Variants in LRRC37B observed in about 807,000 individuals in gnomAD.
LRRC37B encodes leucine-rich repeat-containing protein 37B.
Under a neutral mutation model 98.3 loss-of-function variants are expected in LRRC37B, and 28 were observed. The observed-to-expected ratio is 0.28, with a 90% CI of 0.21 to 0.39. The LOEUF (loss-of-function observed/expected upper bound fraction) is 0.39, where lower values mean the gene tolerates loss of function less well. Ranked by LOEUF, LRRC37B falls within the 10% of genes least tolerant of loss-of-function variation. The pLI, the probability that LRRC37B is intolerant of heterozygous loss-of-function variation, is 1.00. For missense variants in LRRC37B, 938 were observed against 1,182.7 expected (o/e 0.79, Z 3.03); for synonymous variants, 364 against 442.7 (o/e 0.82, Z 2.23).
At chr17:32,040,868 G>C (rs1911405822) in intron 7 of LRRC37B, 7 of 846,628 alleles carry the variant, frequency 8.3e-6, no homozygotes, top group Non-Finnish European at 1.4e-5. Flanking sequence ...ACCTGTGTGA[G>C]AAAGACCTGA....
chr17:32,029,777 G>A (rs545564720), intron 3 of LRRC37B, among the ~76,000 whole-genome samples: 3 of 152,314 alleles, frequency 2.0e-5, no homozygotes, highest in African/African-American at 7.2e-5. Flanking sequence ...GGGGAACCAT[G>A]TTATCACAGC....
chr17:32,023,980 T>G (rs1025982279), intron 1 of LRRC37B, among the ~76,000 whole-genome samples: 3 of 151,918 alleles, frequency 2.0e-5, no homozygotes, highest in African/African-American at 7.3e-5. Context: ...AGCTAAAAGT[T>G]TACTTGGGTC....
chr17:32,012,879 C>T (rs753359696), intron 1 of LRRC37B, among the ~76,000 whole-genome samples: 10 of 152,086 alleles, frequency 6.6e-5, no homozygotes, highest in Admixed American at 5.2e-4. Context: ...GAGCCAGGCG[C>T]GGTGGCAGGC....
chr17:32,009,818 G>C (rs560549804), intron 1 of LRRC37B, among the ~76,000 whole-genome samples: 61 of 151,598 alleles, frequency 4.0e-4, no homozygotes, highest in Admixed American at 3.4e-3. Context: ...GCTAATTTTT[G>C]TATTTTTAAT....
rs1567615917 is a variant in LRRC37B, at chr17:32,031,360, T to A, written c.1977-18T>A. On this transcript the variant is annotated intron_variant, in intron 4 of 11. Transcript: ENST00000327564. ...TGAAATAATTTTTTTTTCCTTTGGCTTATGTCTTTTTTTGTAGAAATCTGG... is the reference window on the plus strand; with the variant it reads ...TGAAATAATTTTTTTTTCCTTTGGCATATGTCTTTTTTTGTAGAAATCTGG... 2 of 1,608,464 alleles carry A rather than the reference T, an allele frequency of 1.2e-6. No homozygotes were observed. The highest frequency in any genetic ancestry group is 4.5e-5 in the East Asian group (2 of 44,820).
chr17:32,025,052 T>TTTTC (rs1051711722), intron 2 of LRRC37B, among the ~76,000 whole-genome samples: 2 of 135,888 alleles, frequency 1.5e-5, no homozygotes, highest in African/African-American at 5.2e-5. Flanking sequence ...TTTTTTTTTT[T>TTTTC]CAGAGACAAG....
chr17:32,022,305 A>G (rs760800325), exon 1 of LRRC37B: 27 of 1,613,870 alleles, frequency 1.7e-5, no homozygotes, highest in South Asian at 1.1e-5. Flanking sequence ...CCTGAGGACT[A>G]CAGATCCTCC....
chr17:32,046,608 T>C (rs1389541210), intron 8 of LRRC37B, among the ~76,000 whole-genome samples: 1 of 151,358 alleles, frequency 6.6e-6, no homozygotes, highest in African/African-American at 2.4e-5. Flanking sequence ...TCTTTTTTTT[T>C]TTTTTTTTTA....
At chr17:32,020,146 C>A (rs562006196), upstream of LRRC37B, among the ~76,000 whole-genome samples, 12 of 152,240 alleles carry the variant, frequency 7.9e-5, no homozygotes, top group Admixed American at 2.6e-4. Flanking sequence ...GCACAGCCCC[C>A]CTTCAATTTT....
intron 7 of LRRC37B, chr17:32,041,117 C>A (rs768167332): frequency 7.8e-6 from 6 of 767,008 alleles, no homozygotes; most frequent in Non-Finnish European, 1.5e-5. Context: ...CCATGCAGAT[C>A]CTGGACGAGC....
chr17:32,024,683 C>T (rs1452970790), intron 1 of LRRC37B, 28 bp from the exon 5 acceptor site: 1 of 1,606,868 alleles, frequency 6.2e-7, no homozygotes, highest in Non-Finnish European at 8.5e-7. Flanking sequence ...CGTGCCTATT[C>T]AAGGATATAA....
chr17:32,049,725 C>T (rs569913709), intron 10 of LRRC37B, among the ~76,000 whole-genome samples: 7 of 152,164 alleles, frequency 4.6e-5, no homozygotes, highest in East Asian at 1.9e-4. Flanking sequence ...AAATTAGCTG[C>T]GTGTGGTGAC....
Position 32,037,684 on chromosome 17 carries a change from A to G in LRRC37B, c.2204+2045A>G, listed in dbSNP as rs185067852. On this transcript the variant is annotated intron_variant, in intron 7 of 11. Coordinates refer to ENST00000327564, the Ensembl canonical transcript of LRRC37B. ...TTTCTTTAATAGCTAGTGATGTTGAATGTTCATGTGCAAATATCTTCTTTA... is the reference window on the plus strand; with the variant it reads ...TTTCTTTAATAGCTAGTGATGTTGAGTGTTCATGTGCAAATATCTTCTTTA... Among the ~76,000 whole-genome samples, 320 of 152,340 alleles carry G rather than the reference A, an allele frequency of 2.1e-3. 2 individuals are homozygous for G. The highest frequency in any genetic ancestry group is 1.7e-3 in the Non-Finnish European group (113 of 68,036).
At chr17:32,017,331 A>G (rs757375370), upstream of LRRC37B, 1 of 152,126 alleles carries the variant, frequency 6.6e-6, no homozygotes, top group African/African-American at 2.4e-5. Flanking sequence ...CATGGTCTCT[A>G]TTTTGGATTT....
At chr17:32,048,762 C>T (rs148739244) in intron 9 of LRRC37B, among the ~76,000 whole-genome samples, 356 of 152,294 alleles carry the variant, frequency 2.3e-3, no homozygotes, top group African/African-American at 7.7e-3. Context: ...TTCTCTGCAG[C>T]GAAGAGCCTC....
intron 2 of LRRC37B, among the ~76,000 whole-genome samples, chr17:32,027,527 TTGTG>T (rs140364279): frequency 7.0e-6 from 1 of 143,174 alleles, no homozygotes; most frequent in South Asian, 2.3e-4. Context: ...GTGTGTGTGC[TTGTG>T]TGTGTGTGTG....
rs373335078 is a variant in LRRC37B at position 32,021,871 on chromosome 17, G to T, written c.806G>T (p.Arg269Leu). 5 of 1,614,134 alleles carry T rather than the reference G, an allele frequency of 3.1e-6. 1 individual carries two copies. Among genetic ancestry groups the T allele is most frequent in the Middle Eastern group, 1.6e-4 (1 of 6,062 alleles). The stretch of plus-strand genomic sequence containing the variant: ...CCCGGCAGCCTACCTCCAGAACTCC[G>T]GGTGAACGCAGATGAGCCTCCAGGG... Residue 269 changes from arginine (R) to leucine (L), a missense_variant, in exon 1 of 12, where the codon CGG becomes CTG. Physicochemically the swap from Arg to Leu is moderately radical, Grantham distance 102. Coordinates refer to ENST00000327564, the Ensembl canonical transcript of LRRC37B.
exon 12 of LRRC37B, chr17:32,053,393 T>G: frequency 8.3e-7 from 1 of 1,209,644 alleles, no homozygotes. Flanking sequence ...AATATTGGTT[T>G]TTTACTTAAA....
At chr17:32,049,730 G>A (rs1021262558) in intron 10 of LRRC37B, among the ~76,000 whole-genome samples, 2 of 152,122 alleles carry the variant, frequency 1.3e-5, no homozygotes, top group Admixed American at 1.3e-4. Context: ...AGCTGCGTGT[G>A]GTGACACGTG....
Sources: allele counts gnomAD v4.1 joint callset (sites outside exome capture counted in the v4.1 genomes callset), GRCh38; gene constraint gnomAD v4.1.1; transcripts MANE v1.5; gene names NCBI Gene and HGNC (gene_info 2026-07-23, HGNC 2026-07-21).